CCDC80: variants seen among roughly 807,000 people sequenced by gnomAD.
CCDC80 encodes the protein coiled-coil domain containing 80.
Under a neutral mutation model 78.7 loss-of-function variants are expected in CCDC80, and 49 were observed. The ratio of observed to expected loss-of-function variants is 0.62; its 90% CI spans 0.50 to 0.79. CCDC80 has a LOEUF of 0.79. Ranked by LOEUF, CCDC80 falls within the 30% of genes least tolerant of loss-of-function variation. CCDC80 has a pLI of 0.00. For synonymous variants in CCDC80, 488 were observed against 447.0 expected (o/e 1.09, Z -1.16); for missense variants, 1,205 against 1,198.6 (o/e 1.01, Z -0.08).
chr3:112,630,368 A>G (rs1175285799), intron 2 of CCDC80, 99 bp from the exon 3 acceptor site: 1 of 1,144,506 alleles, frequency 8.7e-7, no homozygotes, highest in African/African-American at 1.5e-5. Context: ...GCTGGTAGTG[A>G]CTGCATCTAA....
Position 112,616,852 on chromosome 3 carries a change from A to G in CCDC80, c.2179T>C (p.Tyr727His), listed in dbSNP as rs1194055393. Residue 727 changes from tyrosine (Y) to histidine (H), a missense_variant, in exon 5 of 8, where the codon TAT becomes CAT. Transcript: ENST00000206423. ...TDVDLRVKQY[Y>H]EVPITMKSVF... ...GACTTCATTGTTATTGGTACCTCAT[A>G]GTATTGCTGTTTAAGAAAAAACAGA... 1 of 1,613,654 alleles carries G rather than the reference A, an allele frequency of 6.2e-7. No homozygotes were observed. Among genetic ancestry groups the G allele is most frequent in the South Asian group, 1.1e-5 (1 of 91,030 alleles).
chr3:112,616,969 T>C, intron 4 of CCDC80, 111 bp from the exon 5 acceptor site: 4 of 1,080,590 alleles, frequency 3.7e-6, no homozygotes, highest in Non-Finnish European at 5.3e-6. Context: ...ATCTTTGAAA[T>C]CAGAGCCTAG....
At chr3:112,607,586 A>G (rs983934591) in intron 6 of CCDC80, among the ~76,000 whole-genome samples, 10 of 152,144 alleles carry the variant, frequency 6.6e-5, no homozygotes, top group Admixed American at 6.5e-4. Context: ...GGAGATAGAG[A>G]CCACCCTGGC....
At chr3:112,625,659 A>C (rs920526917) in intron 3 of CCDC80, among the ~76,000 whole-genome samples, 3 of 152,160 alleles carry the variant, frequency 2.0e-5, no homozygotes, top group African/African-American at 7.2e-5. Context: ...TATATATAAT[A>C]TGCTATATTT....
At chr3:112,620,337 G>A (rs1373764454) in intron 3 of CCDC80, among the ~76,000 whole-genome samples, 3 of 152,114 alleles carry the variant, frequency 2.0e-5, no homozygotes, top group Non-Finnish European at 1.5e-5. Context: ...TCATGGAGGT[G>A]GTCCAAAGGA....
chr3:112,600,426 C>A lies in CCDC80; in HGVS notation c.*4991G>T, dbSNP rs1194198586. 6.6e-6 allele frequency: 1 copy of A among 152,050 alleles called. No homozygotes were observed. Among genetic ancestry groups the A allele is most frequent in the Non-Finnish European group, 1.5e-5 (1 of 68,022 alleles). The allele number at this position is 152,050 out of a possible 1,614,324, so 9.4% of individuals were successfully genotyped here. ...CTTTTTTTGGTTGCAGGAGCTAGAACCCTATTATTCTGAGAGTAAATTTTC... is the reference window on the plus strand; with the variant it reads ...CTTTTTTTGGTTGCAGGAGCTAGAAACCTATTATTCTGAGAGTAAATTTTC... On this transcript the variant is annotated 3_prime_UTR_variant, in exon 8 of 8. Coordinates refer to ENST00000206423, the MANE Select transcript of CCDC80 (RefSeq NM_199511.3).
At chr3:112,608,109 T>C (rs924043397) in intron 6 of CCDC80, among the ~76,000 whole-genome samples, 1 of 152,240 alleles carries the variant, frequency 6.6e-6, no homozygotes, top group African/African-American at 2.4e-5. Flanking sequence ...GTTGGAATTC[T>C]TTTGAAGATG....
rs138460960 is a variant in CCDC80 at position 112,616,836 on chromosome 3, G to T, written c.2195C>A (p.Thr732Lys). Reference protein sequence around the residue: ...RVKQYYEVPITMKSVFDLIDT... With the variant: ...RVKQYYEVPIKMKSVFDLIDT... The stretch of plus-strand genomic sequence containing the variant: ...GATCAGATCAAACACAGACTTCATT[G>T]TTATTGGTACCTCATAGTATTGCTG... Residue 732 changes from threonine (T) to lysine (K), a missense_variant, in exon 5 of 8, where the codon ACA (threonine) becomes AAA (lysine). Coordinates refer to ENST00000206423, the MANE Select transcript of CCDC80 (RefSeq NM_199511.3). 5.0e-6 allele frequency: 8 copies of T among 1,613,812 alleles called. No homozygotes were observed. Among genetic ancestry groups the T allele is most frequent in the Non-Finnish European group, 5.9e-6 (7 of 1,179,972 alleles).
chr3:112,627,208 C>A (rs190001751), intron 3 of CCDC80, among the ~76,000 whole-genome samples: 1 of 152,264 alleles, frequency 6.6e-6, no homozygotes, highest in African/African-American at 2.4e-5. Flanking sequence ...TGTCTGTAAT[C>A]CATTCACTAA....
chr3:112,616,630 C>G, intron 5 of CCDC80, 80 bp downstream of exon 5: 1 of 1,498,254 alleles, frequency 6.7e-7, no homozygotes, highest in East Asian at 2.3e-5. Context: ...CCTGTGGGAT[C>G]TGTGTTTCTT....
rs750810900 is a variant in CCDC80, at chr3:112,610,196, A to G, written c.2322-115T>C. The G allele has an allele frequency of 2.4e-5, 20 of 837,304 alleles. No individual in the cohort carries two copies. In the African/African-American group the frequency reaches 3.1e-4, roughly 13 times the overall value. 51.9% of individuals were successfully genotyped at this position (837,304 alleles called of 1,614,324 possible). On this transcript the variant is annotated intron_variant, in intron 5 of 7. Transcript: ENST00000206423. ...TTTTTTCTGTGCCCAGAAAAAAAAAAAGAAAAAAACAGAGAACTGTCCCAT... is the reference window on the plus strand; with the variant it reads ...TTTTTTCTGTGCCCAGAAAAAAAAAGAGAAAAAAACAGAGAACTGTCCCAT...
At chr3:112,637,655 C>A (rs564869629) in intron 2 of CCDC80, among the ~76,000 whole-genome samples, 24 of 152,272 alleles carry the variant, frequency 1.6e-4, no homozygotes, top group African/African-American at 4.8e-4. Context: ...TTCTTTTCAT[C>A]CTTTGGACTT....
At chr3:112,610,615 A>G (rs1337845569) in intron 5 of CCDC80, among the ~76,000 whole-genome samples, 1 of 152,200 alleles carries the variant, frequency 6.6e-6, no homozygotes, top group Non-Finnish European at 1.5e-5. Context: ...GATTCCTGGA[A>G]AAACGAAACC....
intron 5 of CCDC80, among the ~76,000 whole-genome samples, chr3:112,615,892 T>C (rs1935729686): frequency 6.6e-6 from 1 of 152,128 alleles, no homozygotes; most frequent in African/African-American, 2.4e-5. Context: ...GTTTAGCATA[T>C]CATCAAGAAA....
Position 112,610,060 on chromosome 3 carries a change from C to A in CCDC80, c.2343G>T (p.Leu781Phe). Residue 781 changes from leucine (L) to phenylalanine (F), a missense_variant, in exon 6 of 8, where the codon TTG (leucine) becomes TTT (phenylalanine). Physicochemically the swap from Leu to Phe is conservative, Grantham distance 22. Transcript: ENST00000206423. Reference protein sequence around the residue: ...FLSRFRWRRRLLVISAPNDED... With the variant: ...FLSRFRWRRRFLVISAPNDED... ...CATCGTTAGGAGCAGAGATCACCAG[C>A]AACCTCCTCCTCCACCGGAACCTGG... The A allele has an allele frequency of 1.2e-6, 2 of 1,613,680 alleles. No homozygotes were observed. Among genetic ancestry groups the A allele is most frequent in the Non-Finnish European group, 1.7e-6 (2 of 1,179,948 alleles).
rs560487922 is a variant in CCDC80 at position 112,599,845 on chromosome 3, C to T, written c.*5572G>A. ...TTCACCTCAGAGCCCTGGGAGATGT[C>T]TGATGAAAAGTAGTTTTTGAAGAGT... On this transcript the variant is annotated 3_prime_UTR_variant, in exon 8 of 8. Coordinates refer to ENST00000206423, the MANE Select transcript of CCDC80 (RefSeq NM_199511.3). 1.3e-5 allele frequency: 2 copies of T among 152,228 alleles called. No individual in the cohort carries two copies. Among genetic ancestry groups the T allele is most frequent in the Non-Finnish European group, 1.5e-5 (1 of 68,046 alleles). 9.4% of individuals were successfully genotyped at this position (152,228 alleles called of 1,614,324 possible).
rs1435430444 is a variant in CCDC80 at position 112,641,038 on chromosome 3, A to G, written c.-723T>C. On this transcript the variant is annotated 5_prime_UTR_variant, in exon 1 of 8. Transcript: ENST00000206423. The stretch of plus-strand genomic sequence containing the variant: ...AAACCAAACTCAAACAACAGCAGCC[A>G]CTGGAAATCAAGGAAACTTCACTAA... 1 of 152,240 alleles carries G rather than the reference A, an allele frequency of 6.6e-6. No homozygotes were observed. The highest frequency in any genetic ancestry group is 1.5e-5 in the Non-Finnish European group (1 of 68,048). 9.4% of individuals were successfully genotyped at this position (152,240 alleles called of 1,614,324 possible). A position where few individuals can be genotyped will look rare whatever the true frequency, so the allele number is the denominator to read the frequency against.
rs761832964 is a variant in CCDC80 at position 112,616,713 on chromosome 3, G to C, written c.2318C>G (p.Ser773Cys). ...DKKQSLENFL[S>C]RFRWRRRLLV... ...AGCGACTCCAAAGGTGATGTACCTG[G>C]ATAGGAAGTTCTCCAGGGACTGCTT... The change falls in exon 5 of 8, where the codon TCC becomes TGC. Residue 773 changes from serine (S) to cysteine (C), a missense_variant. Ser to Cys is a moderately radical substitution (Grantham distance 112). Transcript: ENST00000206423. 6.2e-7 allele frequency: 1 copy of C among 1,614,084 alleles called. No homozygotes were observed.
chr3:112,632,797 A>T (rs1402272468), intron 2 of CCDC80, among the ~76,000 whole-genome samples: 1 of 152,116 alleles, frequency 6.6e-6, no homozygotes, highest in Non-Finnish European at 1.5e-5. Context: ...GTGGGGTGAC[A>T]TTCGTTTTGC....
Sources: allele counts gnomAD v4.1 joint callset (sites outside exome capture counted in the v4.1 genomes callset), GRCh38; gene constraint gnomAD v4.1.1; transcripts MANE v1.5; gene names NCBI Gene and HGNC (gene_info 2026-07-23, HGNC 2026-07-21).